FAM193A: variants seen among roughly 807,000 people sequenced by gnomAD.
FAM193A encodes protein FAM193A.
A neutral mutation model predicts 126.5 loss-of-function variants in FAM193A; 22 were observed. The ratio of observed to expected loss-of-function variants is 0.17; its 90% CI spans 0.12 to 0.25. The LOEUF is 0.25. FAM193A is among the 10% of genes least tolerant of loss of function. The pLI is 1.00. For synonymous variants in FAM193A, 761 were observed against 646.8 expected (o/e 1.18, Z -2.68); for missense variants, 1,675 against 1,672.8 (o/e 1.00, Z -0.02).
At chr4:2,729,351 G>A (rs899234591) in intron 20 of FAM193A, among the ~76,000 whole-genome samples, 5 of 152,154 alleles carry the variant, frequency 3.3e-5, no homozygotes, top group African/African-American at 1.2e-4. Flanking sequence ...GCCAGTGTGT[G>A]TGCAGGCAGC....
intron 6 of FAM193A, 110 bp from the exon 7 acceptor site, chr4:2,646,575 T>C: frequency 1.7e-6 from 2 of 1,176,950 alleles, no homozygotes; most frequent in South Asian, 1.5e-5. Flanking sequence ...GTTTTCCACG[T>C]TGGGAGGCGA....
intron 19 of FAM193A, chr4:2,715,580 C>G (rs1040725030): frequency 2.2e-6 from 2 of 916,736 alleles, no homozygotes; most frequent in African/African-American, 1.8e-5. Flanking sequence ...AGGGACAGCC[C>G]TTTCCTTAAC....
chr4:2,668,161 T>C (rs1054694192), intron 12 of FAM193A, among the ~76,000 whole-genome samples: 14 of 151,824 alleles, frequency 9.2e-5, no homozygotes, highest in African/African-American at 3.4e-4. Context: ...CGCCAGGAAA[T>C]CCCAAAGTGC....
At chr4:2,722,168 C>T (rs1169978888) in intron 20 of FAM193A, among the ~76,000 whole-genome samples, 1 of 152,172 alleles carries the variant, frequency 6.6e-6, no homozygotes, top group Non-Finnish European at 1.5e-5. Flanking sequence ...CCTGGGGGTG[C>T]TGTGACTCAG....
At chr4:2,583,053 C>T (rs1356630413) in intron 1 of FAM193A, among the ~76,000 whole-genome samples, 1 of 152,146 alleles carries the variant, frequency 6.6e-6, no homozygotes, top group Non-Finnish European at 1.5e-5. Flanking sequence ...ACTGCAACCT[C>T]CACCTCCCGG....
In FAM193A at chr4:2,662,995, T is replaced by G; in HGVS notation, c.1899+4T>G. The G allele has an allele frequency of 6.2e-7, 1 of 1,604,818 alleles. No homozygotes were observed. The highest frequency in any genetic ancestry group is 1.1e-5 in the South Asian group (1 of 90,774). On this transcript the variant is annotated splice_donor_region_variant and intron_variant, in intron 11 of 20. Transcript: ENST00000637812. ...AAACATGGCCCTGAAGGATGAGGTA[T>G]GGACATGGCTTCTTCGTAGCAACAA...
chr4:2,701,826 G>T (rs1423815724), intron 19 of FAM193A, among the ~76,000 whole-genome samples: 1 of 151,260 alleles, frequency 6.6e-6, no homozygotes, highest in Non-Finnish European at 1.5e-5. Flanking sequence ...GTCCAGGCTG[G>T]AGTGCAGTGG....
At chr4:2,717,835 G>A (rs181916981) in intron 20 of FAM193A, among the ~76,000 whole-genome samples, 14 of 150,218 alleles carry the variant, frequency 9.3e-5, no homozygotes, top group Admixed American at 2.7e-4. Flanking sequence ...TTTATTTTTA[G>A]TAGAGACGAG....
At chr4:2,668,437 C>G (rs148333740) in intron 12 of FAM193A, among the ~76,000 whole-genome samples, 382 of 152,232 alleles carry the variant, frequency 2.5e-3, no homozygotes, top group African/African-American at 8.1e-3. Flanking sequence ...TGGTCTCTAA[C>G]TGGCCTCAAG....
At position 2,718,731 on chromosome 4, in the gene FAM193A, AT is replaced by A. The variant is rs777490357; in HGVS notation, c.4454+2638del. 4.6e-3 allele frequency among the ~76,000 whole-genome samples: 691 copies of A among 149,814 alleles called. 1 individual carries two copies. Among genetic ancestry groups the A allele is most frequent in the African/African-American group, 0.012 (479 of 40,948 alleles). On this transcript the variant is annotated intron_variant, in intron 20 of 20. Coordinates refer to ENST00000637812, the MANE Select transcript of FAM193A (RefSeq NM_001366318.2). ...GACGAGAGCCCTGTCTCAAAAATAA[AT>A]TTTTTTTTTTAAGTGTGTAAATATA...
At chr4:2,594,613 G>A (rs1478758093) in intron 1 of FAM193A, among the ~76,000 whole-genome samples, 2 of 152,076 alleles carry the variant, frequency 1.3e-5, no homozygotes, top group Non-Finnish European at 2.9e-5. Flanking sequence ...CCCTGGGAGT[G>A]CCTCCCTCCA....
chr4:2,625,098 G>C (rs1742818806), intron 2 of FAM193A, among the ~76,000 whole-genome samples, 164 bp from the exon 3 acceptor site: 1 of 152,204 alleles, frequency 6.6e-6, no homozygotes. Flanking sequence ...CTCCCAAAGT[G>C]CTGAGATTAC....
intron 6 of FAM193A, among the ~76,000 whole-genome samples, chr4:2,640,682 T>G (rs1386132159): frequency 6.6e-6 from 1 of 152,130 alleles, no homozygotes; most frequent in African/African-American, 2.4e-5. Flanking sequence ...TAACCTATAC[T>G]TAGGGGTGTG....
intron 4 of FAM193A, among the ~76,000 whole-genome samples, chr4:2,626,847 T>G (rs76618888): frequency 2.8e-3 from 428 of 152,322 alleles, no homozygotes; most frequent in African/African-American, 7.8e-3. Flanking sequence ...AGACTGATAA[T>G]AATACCTTCC....
At chr4:2,711,378 C>T (rs1278614603) in intron 19 of FAM193A, among the ~76,000 whole-genome samples, 5 of 151,744 alleles carry the variant, frequency 3.3e-5, no homozygotes, top group South Asian at 2.1e-4. Context: ...CTCTCTCTGT[C>T]GCCCAGATTG....
intron 5 of FAM193A, among the ~76,000 whole-genome samples, chr4:2,638,735 T>C (rs530599528): frequency 1.4e-5 from 2 of 143,916 alleles, no homozygotes; most frequent in Admixed American, 6.7e-5. Context: ...ATAATCATTA[T>C]AATTTGTTCT....
chr4:2,690,638 T>C lies in FAM193A; in HGVS notation c.2531-60T>C, dbSNP rs1382808101. The C allele has an allele frequency of 5.4e-6, 8 of 1,491,986 alleles. No individual in the cohort carries two copies. The Admixed American group carries it at 1.4e-4, about 26-fold the overall frequency. The allele number at this position is 1,491,986 out of a possible 1,614,324, so 92.4% of individuals were successfully genotyped here. On this transcript the variant is annotated intron_variant, in intron 14 of 20. Transcript: ENST00000637812. ...AGTGTTCAGTCATCAGCATGTCTTT[T>C]AGGGTTTAGCTAAGTATGATTGCTG... is the stretch of plus-strand genomic sequence containing the variant.
Position 2,537,151 on chromosome 4 carries a change from C to T in FAM193A, c.236C>T (p.Ala79Val), listed in dbSNP as rs1486738290. Reference protein sequence around the residue: ...LGAGASAGGAAPGGYFETPFS... With the variant: ...LGAGASAGGAVPGGYFETPFS... ...GCGGGCGCGAGCGCGGGCGGCGCCGCCCCCGGAGGCTACTTCGAGGTAAGC... is the reference window on the plus strand; with the variant it reads ...GCGGGCGCGAGCGCGGGCGGCGCCGTCCCCGGAGGCTACTTCGAGGTAAGC... The change falls in exon 1 of 21, where the codon GCC becomes GTC. Residue 79 changes from alanine (A) to valine (V), a missense_variant. Transcript: ENST00000637812. 5.3e-6 allele frequency: 1 copy of T among 190,294 alleles called. No homozygotes were observed. The highest frequency in any genetic ancestry group is 1.1e-4 in the East Asian group (1 of 9,288). 11.8% of individuals were successfully genotyped at this position (190,294 alleles called of 1,614,324 possible).
intron 20 of FAM193A, among the ~76,000 whole-genome samples, chr4:2,726,325 C>T (rs1720742493): frequency 6.6e-6 from 1 of 152,230 alleles, no homozygotes; most frequent in African/African-American, 2.4e-5. Flanking sequence ...AGGCGTGAGC[C>T]ACCAAGCCTG....
Sources: gnomAD v4.1 joint callset for allele counts (sites outside exome capture counted in the v4.1 genomes callset) on GRCh38, gnomAD v4.1.1 for gene constraint, MANE v1.5 for transcripts, NCBI Gene and HGNC (gene_info 2026-07-23, HGNC 2026-07-21) for gene names.